Variants in TOR1AIP2 observed in about 807,000 individuals in gnomAD.
TOR1AIP2 encodes torsin-1A-interacting protein 2.
A neutral mutation model predicts 32.6 loss-of-function variants in TOR1AIP2; 20 were observed. That is an observed-to-expected ratio of 0.61 (90% CI 0.43 to 0.89). The LOEUF (loss-of-function observed/expected upper bound fraction) is 0.89, where lower values mean the gene tolerates loss of function less well. Ranked by LOEUF, TOR1AIP2 falls within the 40% of genes least tolerant of loss-of-function variation. The pLI is 0.00. For synonymous variants in TOR1AIP2, 214 were observed against 210.8 expected, an observed-to-expected ratio of 1.02 and a Z score of -0.13; for missense variants, 456 against 553.8, an observed-to-expected ratio of 0.82 and a Z score of 1.77.
intron 3 of TOR1AIP2, chr1:179,861,167 CTA>C: frequency 1.0e-6 from 1 of 985,446 alleles, no homozygotes; most frequent in African/African-American, 1.7e-5. Flanking sequence ...CTCTTCCACA[CTA>C]TAAAAATAGA....
chr1:179,866,958 C>T (rs1159395684), intron 2 of TOR1AIP2, among the ~76,000 whole-genome samples: 2 of 152,064 alleles, frequency 1.3e-5, no homozygotes, highest in East Asian at 1.9e-4. Context: ...ACTATATATA[C>T]CATGCCTTTC....
Position 179,877,263 on chromosome 1 carries a change from A to T in TOR1AIP2, c.-590T>A, listed in dbSNP as rs1410229542. On this transcript the variant is annotated 5_prime_UTR_variant, in exon 2 of 7. Coordinates refer to ENST00000609928, the MANE Select transcript of TOR1AIP2 (RefSeq NM_001199260.2). ...CCTCGTTTACTGTTTGAGTGAGGCC[A>T]GGCGTGGTGGCTCACGCCTGTAATC... The T allele has an allele frequency of 6.6e-6, 1 of 152,264 alleles. No individual in the cohort carries two copies. The highest frequency in any genetic ancestry group is 1.5e-5 in the Non-Finnish European group (1 of 68,144). The allele number at this position is 152,264 out of a possible 1,614,324, so 9.4% of individuals were successfully genotyped here.
Position 179,847,530 on chromosome 1 carries a change from C to G in TOR1AIP2, c.655+5G>C. 1 of 1,603,834 alleles carries G rather than the reference C, an allele frequency of 6.2e-7. No homozygotes were observed. On this transcript the variant is annotated splice_donor_5th_base_variant and intron_variant, in intron 6 of 6. Coordinates refer to ENST00000609928, the MANE Select transcript of TOR1AIP2 (RefSeq NM_001199260.2). ...ACACTGCAGTAAAACCAGGTTTGTT[C>G]TCACCATAGCTCCAAAAACCCTTTT...
chr1:179,865,187 A>G, intron 3 of TOR1AIP2: 3 of 1,584,872 alleles, frequency 1.9e-6, no homozygotes, highest in Non-Finnish European at 2.6e-6. Context: ...CTGGACCTAG[A>G]AAGACAACAC....
chr1:179,845,911 A>G lies in TOR1AIP2; in HGVS notation c.*160T>C. 1.5e-6 allele frequency: 1 copy of G among 682,666 alleles called. No homozygotes were observed. The highest frequency in any genetic ancestry group is 2.8e-5 in the South Asian group (1 of 35,512). 42.3% of individuals were successfully genotyped at this position (682,666 alleles called of 1,614,324 possible). A position where few individuals can be genotyped will look rare whatever the true frequency, so the allele number is the denominator to read the frequency against. On this transcript the variant is annotated 3_prime_UTR_variant, in exon 7 of 7. Coordinates refer to ENST00000609928, the MANE Select transcript of TOR1AIP2 (RefSeq NM_001199260.2). ...AGGCTTAGATTAGAAAGATTTTACA[A>G]GGAATAAAAAATAAAAACTTGTTTC... is the stretch of plus-strand genomic sequence containing the variant.
chr1:179,864,387 C>G (rs1271702529), intron 3 of TOR1AIP2: 1 of 991,556 alleles, frequency 1.0e-6, no homozygotes, highest in Non-Finnish European at 1.2e-6. Context: ...TATAACGAGG[C>G]TGCTTTCCCA....
At chr1:179,861,204 A>AAAC (rs1224265127) in intron 3 of TOR1AIP2, 1 of 985,348 alleles carries the variant, frequency 1.0e-6, no homozygotes, top group East Asian at 1.1e-4. Flanking sequence ...ACACTATTTA[A>AAAC]AACACTGGAT....
intron 3 of TOR1AIP2, among the ~76,000 whole-genome samples, chr1:179,856,713 T>C (rs1317050754): frequency 1.3e-5 from 2 of 152,010 alleles, no homozygotes; most frequent in East Asian, 3.9e-4. Context: ...AACTTCCAGG[T>C]TCAAGCGATT....
At position 179,840,843 on chromosome 1, in the gene TOR1AIP2, T is replaced by C. The variant is rs1441927807; in HGVS notation, c.*5228A>G. 1 of 151,366 alleles carries C rather than the reference T, an allele frequency of 6.6e-6. No individual in the cohort carries two copies. Among genetic ancestry groups the C allele is most frequent in the South Asian group, 2.1e-4 (1 of 4,800 alleles). 9.4% of individuals were successfully genotyped at this position (151,366 alleles called of 1,614,324 possible). On this transcript the variant is annotated 3_prime_UTR_variant, in exon 7 of 7. Coordinates refer to ENST00000609928, the MANE Select transcript of TOR1AIP2 (RefSeq NM_001199260.2). ...AACCACCATGGCACGTGTATACCTA[T>C]GTTAACAAACCTGCATGTTCTCCAC...
At chr1:179,849,906 T>G (rs1696051310) in intron 5 of TOR1AIP2, among the ~76,000 whole-genome samples, 1 of 152,264 alleles carries the variant, frequency 6.6e-6, no homozygotes, top group Admixed American at 6.5e-5. Flanking sequence ...AAGTTACAGA[T>G]TATTCTAATG....
rs757570661 is a variant in TOR1AIP2 at position 179,846,651 on chromosome 1, C to T, written c.833G>A (p.Arg278Gln). The T allele has an allele frequency of 4.2e-5, 68 of 1,613,976 alleles. No individual in the cohort carries two copies. Among genetic ancestry groups the T allele is most frequent in the East Asian group, 1.8e-4 (8 of 44,892 alleles). ...ATTGAGGTGCTTCTGGAGAAACTTC[C>T]GTCCTCTCTGCCACAGGAAGGAACT... ...GQSSFLWQRG[R>Q]KFLQKHLNAS... Residue 278 changes from arginine (R) to glutamine (Q), a missense_variant, in exon 7 of 7, where the codon CGG (arginine) becomes CAG (glutamine). Transcript: ENST00000609928.
chr1:179,853,408 CAAAG>C (rs1401081522), intron 3 of TOR1AIP2, among the ~76,000 whole-genome samples: 6 of 151,862 alleles, frequency 4.0e-5, no homozygotes, highest in African/African-American at 7.3e-5. Flanking sequence ...CAAAGACAGA[CAAAG>C]AAAATTATTA....
At chr1:179,861,485 G>GT in intron 3 of TOR1AIP2, 1 of 985,048 alleles carries the variant, frequency 1.0e-6, no homozygotes, top group Non-Finnish European at 1.2e-6. Context: ...TGAAGGCAAA[G>GT]TAACCCTCTT....
intron 3 of TOR1AIP2, chr1:179,863,677 CAAAAAA>C (rs904854823): frequency 1.9e-5 from 16 of 859,852 alleles, no homozygotes; most frequent in Non-Finnish European, 2.0e-5. Flanking sequence ...TTTTAAAAAG[CAAAAAA>C]AAAAAAAAAA....
intron 3 of TOR1AIP2, among the ~76,000 whole-genome samples, chr1:179,857,242 T>C (rs1304479308): frequency 6.6e-6 from 1 of 152,264 alleles, no homozygotes; most frequent in East Asian, 1.9e-4. Context: ...GATTCATATT[T>C]CTACTTAAAT....
chr1:179,861,037 C>T (rs993585317), intron 3 of TOR1AIP2: 16 of 985,322 alleles, frequency 1.6e-5, no homozygotes, highest in African/African-American at 1.0e-4. Context: ...ATTTTCTTTC[C>T]GGTCTGCCCT....
chr1:179,847,474 A>C (rs887636036), intron 6 of TOR1AIP2, 61 bp downstream of exon 6: 70 of 1,138,008 alleles, frequency 6.2e-5, no homozygotes, highest in Non-Finnish European at 8.3e-5. Flanking sequence ...TTTTCTAGGC[A>C]TTTTCACTGA....
At chr1:179,866,778 T>C (rs748527248) in intron 2 of TOR1AIP2, among the ~76,000 whole-genome samples, 4 of 152,206 alleles carry the variant, frequency 2.6e-5, no homozygotes, top group Admixed American at 6.5e-5. Context: ...CCCTGAGCAA[T>C]AGTCCTGAGC....
At chr1:179,864,177 A>G in intron 3 of TOR1AIP2, 1 of 985,498 alleles carries the variant, frequency 1.0e-6, no homozygotes, top group African/African-American at 1.7e-5. Flanking sequence ...TTTATCTGAC[A>G]GTGACCAGTT....
Sources: allele counts gnomAD v4.1 joint callset (sites outside exome capture counted in the v4.1 genomes callset), GRCh38; gene constraint gnomAD v4.1.1; transcripts MANE v1.5; gene names NCBI Gene and HGNC (gene_info 2026-07-23, HGNC 2026-07-21).